COL1A2: variants seen among roughly 807,000 people sequenced by gnomAD.
The protein encoded by COL1A2 is collagen alpha-2(I) chain.
COL1A2 carries 49 observed loss-of-function variants against 174.3 expected under a neutral mutation model. That is an observed-to-expected ratio of 0.28 (90% CI 0.22 to 0.36). The LOEUF (loss-of-function observed/expected upper bound fraction) is 0.36, where lower values mean the gene tolerates loss of function less well. Among genes scored for constraint, COL1A2 ranks in the 10% least tolerant of loss-of-function variants. COL1A2 has a pLI of 1.00. For synonymous variants in COL1A2, 655 were observed against 606.6 expected (o/e 1.08, Z -1.17); for missense variants, 1,438 against 1,822.7 (o/e 0.79, Z 3.84).
At chr7:94,402,812 T>C (rs1791714007) in intron 6 of COL1A2, among the ~76,000 whole-genome samples, 1 of 152,184 alleles carries the variant, frequency 6.6e-6, no homozygotes. Flanking sequence ...CTTAGTGCTC[T>C]ATCTTCAAAA....
chr7:94,428,485 A>G lies in COL1A2; in HGVS notation c.3711+8A>G. The stretch of plus-strand genomic sequence containing the variant: ...ATCAATGCTGGCAGCCAGGTGAGGA[A>G]TCCCACAAACACCTCTCCTTCTGCT... On this transcript the variant is annotated splice_region_variant and intron_variant, in intron 50 of 51. Coordinates refer to ENST00000297268, the MANE Select transcript of COL1A2 (RefSeq NM_000089.4). 1.2e-6 allele frequency: 2 copies of G among 1,612,036 alleles called. No homozygotes were observed. The highest frequency in any genetic ancestry group is 1.1e-5 in the South Asian group (1 of 91,034).
At position 94,429,288 on chromosome 7, in the gene COL1A2, A is replaced by G; in HGVS notation, c.3812A>G (p.His1271Arg). The G allele has an allele frequency of 6.2e-7, 1 of 1,613,940 alleles. No homozygotes were observed. Among genetic ancestry groups the G allele is most frequent in the Non-Finnish European group, 8.5e-7 (1 of 1,179,972 alleles). The change falls in exon 51 of 52, where the codon CAC (histidine) becomes CGC (arginine). Residue 1271 changes from histidine to arginine, a missense_variant. His to Arg is a conservative substitution (Grantham distance 29). Transcript: ENST00000297268. ...ANYASQNITY[H>R]CKNSIAYMDE... Reference sequence around the variant, plus strand: ...TATGCCTCTCAGAACATCACCTACCACTGCAAGAACAGCATTGCATACATG... The same window carrying G: ...TATGCCTCTCAGAACATCACCTACCGCTGCAAGAACAGCATTGCATACATG...
intron 12 of COL1A2, among the ~76,000 whole-genome samples, chr7:94,407,379 G>A (rs1275237797): frequency 6.9e-6 from 1 of 145,734 alleles, no homozygotes; most frequent in African/African-American, 2.5e-5. Flanking sequence ...TTTTTACTCA[G>A]GATAAGAATA....
intron 15 of COL1A2, among the ~76,000 whole-genome samples, 176 bp from the exon 16 acceptor site, chr7:94,408,594 C>G (rs1791853843): frequency 6.6e-6 from 1 of 152,174 alleles, no homozygotes; most frequent in African/African-American, 2.4e-5. Context: ...ACCCTGGATA[C>G]CATGAATGTC....
rs116065014 is a variant in COL1A2 at position 94,395,760 on chromosome 7, G to T, written c.70+659G>T. Among the ~76,000 whole-genome samples the T allele has an allele frequency of 4.5e-3, 693 of 152,314 alleles. 7 individuals carry two copies. The highest frequency in any genetic ancestry group is 0.016 in the African/African-American group (668 of 41,566). ...TGGAGCCTTTCCCAGTGGCTAGTCA[G>T]TGAACCCTGGAAAGAAGAATGGATG... On this transcript the variant is annotated intron_variant, in intron 1 of 51. Coordinates refer to ENST00000297268, the MANE Select transcript of COL1A2 (RefSeq NM_000089.4).
chr7:94,407,772 A>G (rs953572996), intron 12 of COL1A2, 75 bp from the exon 13 acceptor site: 10 of 1,347,644 alleles, frequency 7.4e-6, no homozygotes, highest in African/African-American at 1.5e-5. Context: ...AGTAAAAAAA[A>G]TAGAGTAAAA....
chr7:94,415,172 G>C lies in COL1A2; in HGVS notation c.1720-54G>C, dbSNP rs868458350. 1.4e-5 allele frequency: 21 copies of C among 1,526,450 alleles called. No homozygotes were observed. The Middle Eastern group carries it at 2.7e-3, about 197-fold the overall frequency. 94.6% of individuals were successfully genotyped at this position (1,526,450 alleles called of 1,614,324 possible). ...AATTTTTCAAATATTTTAATCATAA[G>C]TGAATTTAGAGATCACACACAGATT... is the stretch of plus-strand genomic sequence containing the variant. On this transcript the variant is annotated intron_variant, in intron 29 of 51. Transcript: ENST00000297268.
chr7:94,411,126 C>G lies in COL1A2; in HGVS notation c.1322C>G (p.Pro441Arg), dbSNP rs752703563. The G allele has an allele frequency of 1.9e-6, 3 of 1,594,510 alleles. No individual in the cohort carries two copies. The Admixed American group carries it at 5.2e-5, about 28-fold the overall frequency. Residue 441 changes from proline to arginine, a missense_variant, in exon 23 of 52, where the codon CCT becomes CGT. This residue lies in a region of COL1A2 where 867 missense variants were observed against 1,213.7 expected (regional missense o/e 0.71). Transcript: ENST00000297268. ...VRGPNGDAGR[P>R]GEPGLMGPRG... ...GGACCTAATGGAGATGCTGGTCGCC[C>G]TGGGGAGCCTGGTCTCATGGGACCC... is the stretch of plus-strand genomic sequence containing the variant.
At chr7:94,399,933 T>G in intron 4 of COL1A2, 1 of 534,712 alleles carries the variant, frequency 1.9e-6, no homozygotes, top group Non-Finnish European at 3.4e-6. Context: ...ATTTTTATAT[T>G]TGAATACTGG....
chr7:94,399,066 A>C lies in COL1A2; in HGVS notation c.114A>C (p.Arg38Ser), dbSNP rs1462108134. The C allele has an allele frequency of 1.2e-6, 2 of 1,613,750 alleles. No individual in the cohort carries two copies. Among genetic ancestry groups the C allele is most frequent in the Non-Finnish European group, 8.5e-7 (1 of 1,179,704 alleles). Residue 38 changes from arginine (R) to serine (S), a missense_variant, in exon 4 of 52, where the codon AGA becomes AGC. Transcript: ENST00000297268. ...TCCTGTAGGGCCCAGCCGGAGATAG[A>C]GGACCACGTGGAGAAAGGGTGTGTA... ...ETVRKGPAGD[R>S]GPRGERGPPG...
At position 94,427,279 on chromosome 7, in the gene COL1A2, G is replaced by A; in HGVS notation, c.3251G>A (p.Gly1084Asp). The change falls in exon 48 of 52, where the codon GGT becomes GAT. Residue 1084 changes from glycine (G) to aspartate (D), a missense_variant. This residue lies in a region of COL1A2 where 867 missense variants were observed against 1,213.7 expected (regional missense o/e 0.71). Transcript: ENST00000297268. ...CCTGCTGGCATTCGAGGCCCTCAGGGTCACCAAGGCCCTGCTGTAAGTATG... is the reference window on the plus strand; with the variant it reads ...CCTGCTGGCATTCGAGGCCCTCAGGATCACCAAGGCCCTGCTGTAAGTATG... ...VGPAGIRGPQ[G>D]HQGPAGPPGP... 1 of 1,612,854 alleles carries A rather than the reference G, an allele frequency of 6.2e-7. No homozygotes were observed.
intron 9 of COL1A2, 55 bp from the exon 10 acceptor site, chr7:94,405,144 T>C: frequency 6.3e-7 from 1 of 1,579,498 alleles, no homozygotes; most frequent in Non-Finnish European, 8.7e-7. Context: ...GATTCCCCCA[T>C]TTTGTCTGAT....
intron 5 of COL1A2, among the ~76,000 whole-genome samples, chr7:94,400,948 C>T (rs1248281288): frequency 6.6e-6 from 1 of 152,164 alleles, no homozygotes; most frequent in Non-Finnish European, 1.5e-5. Context: ...GATTGCTTAT[C>T]TATGAATTGC....
Position 94,425,595 on chromosome 7 carries a change from G to A in COL1A2, c.2782-15G>A. 1 of 1,613,826 alleles carries A rather than the reference G, an allele frequency of 6.2e-7. No individual in the cohort carries two copies. Among genetic ancestry groups the A allele is most frequent in the South Asian group, 1.1e-5 (1 of 91,080 alleles). On this transcript the variant is annotated splice_polypyrimidine_tract_variant and intron_variant, in intron 42 of 51. Transcript: ENST00000297268. ...AGCCTCACCAACAGCCTTAATTTGT[G>A]TGGTGTCTTCACAGGGCAACCCTGG... is the stretch of plus-strand genomic sequence containing the variant.
At chr7:94,398,937 C>A in intron 3 of COL1A2, 112 bp from the exon 4 acceptor site, 1 of 980,008 alleles carries the variant, frequency 1.0e-6, no homozygotes, top group Non-Finnish European at 1.7e-6. Context: ...TATCTAATAA[C>A]ATTGTAGTTA....
Position 94,424,455 on chromosome 7 carries a change from A to T in COL1A2, c.2673+12A>T, listed in dbSNP as rs1438482240. On this transcript the variant is annotated intron_variant, in intron 41 of 51. Coordinates refer to ENST00000297268, the MANE Select transcript of COL1A2 (RefSeq NM_000089.4). Reference sequence around the variant, plus strand: ...TTGCTGGTGCTGTGGTGAGTGCTTGACAGTATTCTGACTCCATTAACATAA... The same window carrying T: ...TTGCTGGTGCTGTGGTGAGTGCTTGTCAGTATTCTGACTCCATTAACATAA... 1 of 1,610,050 alleles carries T rather than the reference A, an allele frequency of 6.2e-7. No homozygotes were observed. Among genetic ancestry groups the T allele is most frequent in the Non-Finnish European group, 8.5e-7 (1 of 1,176,356 alleles).
rs748328216 is a variant in COL1A2, at chr7:94,404,695, C to A, written c.327C>A (p.Gly109=). 5 of 1,614,066 alleles carry A rather than the reference C, an allele frequency of 3.1e-6. No individual in the cohort carries two copies. The highest frequency in any genetic ancestry group is 1.1e-5 in the South Asian group (1 of 91,076). ...ATGACATTCTTTTTTTCTTTTAGGG[C>A]CCTCAAGGTTTCCAAGGACCTGCTG... ...RGPPGAAGAP[G]PQGFQGPAGE... The change falls in exon 8 of 52, where the codon GGC becomes GGA. Residue 109 remains glycine (G), a splice_region_variant and synonymous_variant. Coordinates refer to ENST00000297268, the MANE Select transcript of COL1A2 (RefSeq NM_000089.4).
rs1369741967 is a variant in COL1A2, at chr7:94,404,836, T to C, written c.379-3T>C. On this transcript the variant is annotated splice_polypyrimidine_tract_variant and splice_region_variant and intron_variant, in intron 8 of 51. Transcript: ENST00000297268. ...TGAAATGATGGGTCTCCCATTTTCT[T>C]AGGGTCCTGCAGGTGCTCGTGGTCC... 2 of 1,614,010 alleles carry C rather than the reference T, an allele frequency of 1.2e-6. No individual in the cohort carries two copies. The highest frequency in any genetic ancestry group is 1.3e-5 in the African/African-American group (1 of 74,906).
intron 39 of COL1A2, 99 bp from the exon 40 acceptor site, chr7:94,422,858 A>C (rs1792195848): frequency 2.1e-6 from 3 of 1,401,944 alleles, no homozygotes; most frequent in South Asian, 1.2e-5. Context: ...ATTTTATTGC[A>C]TCACATTGTT....
Sources: allele counts gnomAD v4.1 joint callset (sites outside exome capture counted in the v4.1 genomes callset), GRCh38; gene constraint gnomAD v4.1.1; regional missense constraint gnomAD v4.1.1; transcripts MANE v1.5; gene names NCBI Gene and HGNC (gene_info 2026-07-23, HGNC 2026-07-21).